LPGAT1: variants seen among roughly 807,000 people sequenced by gnomAD.
The protein encoded by LPGAT1 is acyl-CoA:lysophosphatidylglycerol acyltransferase 1.
In LPGAT1, 11 loss-of-function variants were observed where a neutral mutation model predicts 47.5. The ratio of observed to expected loss-of-function variants is 0.23; its 90% CI spans 0.15 to 0.38. The LOEUF (loss-of-function observed/expected upper bound fraction) is 0.38, where lower values mean the gene tolerates loss of function less well. LPGAT1 is among the 10% of genes least tolerant of loss of function. The probability of loss-of-function intolerance (pLI) is 1.00; values close to 1 mark genes in which losing one functional copy is unlikely to be tolerated. For synonymous variants in LPGAT1, 138 were observed against 144.2 expected (o/e 0.96, Z 0.31); for missense variants, 293 against 439.0 (o/e 0.67, Z 2.97).
intron 2 of LPGAT1, among the ~76,000 whole-genome samples, chr1:211,825,380 G>A (rs1349340707): frequency 6.6e-6 from 1 of 150,896 alleles, no homozygotes; most frequent in Non-Finnish European, 1.5e-5. Flanking sequence ...AATGTGTTTG[G>A]ATGACAATTC....
intron 2 of LPGAT1, among the ~76,000 whole-genome samples, chr1:211,814,274 G>C (rs1307167385): frequency 6.6e-6 from 1 of 152,224 alleles, no homozygotes; most frequent in African/African-American, 2.4e-5. Flanking sequence ...CACAACTACA[G>C]AGTTGATGCC....
At chr1:211,752,604 G>A (rs1657247120) in intron 6 of LPGAT1, among the ~76,000 whole-genome samples, 1 of 152,118 alleles carries the variant, frequency 6.6e-6, no homozygotes, top group African/African-American at 2.4e-5. Context: ...AAGACCCCAC[G>A]ACAGTTACAC....
chr1:211,816,083 T>G (rs1036555322), intron 2 of LPGAT1, among the ~76,000 whole-genome samples: 12 of 152,060 alleles, frequency 7.9e-5, no homozygotes, highest in Non-Finnish European at 1.3e-4. Context: ...GCCTGGCTTT[T>G]CTGCCTTTGT....
At chr1:211,806,161 G>A (rs1474288363) in intron 2 of LPGAT1, among the ~76,000 whole-genome samples, 3 of 151,688 alleles carry the variant, frequency 2.0e-5, no homozygotes, top group African/African-American at 4.9e-5. Context: ...TTGGGAGGCT[G>A]AGACACAAGA....
At chr1:211,801,786 G>A (rs533894386) in intron 2 of LPGAT1, among the ~76,000 whole-genome samples, 2 of 150,510 alleles carry the variant, frequency 1.3e-5, no homozygotes, top group East Asian at 2.0e-4. Context: ...AAGAAGAGAA[G>A]AGAAAAGAAA....
At chr1:211,771,959 C>T (rs892405972) in intron 6 of LPGAT1, among the ~76,000 whole-genome samples, 2 of 152,042 alleles carry the variant, frequency 1.3e-5, no homozygotes, top group African/African-American at 4.8e-5. Context: ...TTTAGAGAAA[C>T]CCTGTTTCAC....
At chr1:211,816,039 C>T (rs1052256435) in intron 2 of LPGAT1, among the ~76,000 whole-genome samples, 4 of 152,066 alleles carry the variant, frequency 2.6e-5, no homozygotes, top group Non-Finnish European at 4.4e-5. Context: ...ACTCGGCCTC[C>T]CAAAGTGCTG....
chr1:211,824,352 TGC>T (rs1660465454), intron 2 of LPGAT1, among the ~76,000 whole-genome samples: 1 of 152,120 alleles, frequency 6.6e-6, no homozygotes, highest in Non-Finnish European at 1.5e-5. Context: ...GCCAAGACTG[TGC>T]CACTGTACTC....
chr1:211,781,001 C>T (rs1658618431), intron 5 of LPGAT1, among the ~76,000 whole-genome samples: 1 of 152,084 alleles, frequency 6.6e-6, no homozygotes, highest in African/African-American at 2.4e-5. Context: ...TCAGACAGAA[C>T]TTAATTTTGG....
At chr1:211,787,954 A>G (rs1355377065) in intron 3 of LPGAT1, among the ~76,000 whole-genome samples, 5 of 152,214 alleles carry the variant, frequency 3.3e-5, no homozygotes, top group Non-Finnish European at 7.3e-5. Flanking sequence ...AGGTACATAT[A>G]TCACTATATA....
intron 4 of LPGAT1, among the ~76,000 whole-genome samples, chr1:211,784,483 CCT>C (rs1436833833): frequency 7.7e-6 from 1 of 129,442 alleles, no homozygotes; most frequent in Non-Finnish European, 1.7e-5. Context: ...AGAGTGAGAC[CCT>C]GTCTCAAAAA....
At chr1:211,823,248 C>G (rs574707629) in intron 2 of LPGAT1, among the ~76,000 whole-genome samples, 12 of 152,294 alleles carry the variant, frequency 7.9e-5, no homozygotes, top group African/African-American at 2.9e-4. Flanking sequence ...AACAGTACCA[C>G]CCTGATAAAA....
intron 6 of LPGAT1, among the ~76,000 whole-genome samples, chr1:211,756,577 AC>A (rs2102493966): frequency 6.6e-6 from 1 of 151,814 alleles, no homozygotes; most frequent in East Asian, 1.9e-4. Context: ...CAAGAGATAC[AC>A]CCTCTTCGGT....
At position 211,745,694 on chromosome 1, in the gene LPGAT1, T is replaced by C. The variant is rs577941491; in HGVS notation, c.*4205A>G. The C allele has an allele frequency of 1.3e-5, 2 of 152,732 alleles. No homozygotes were observed. The highest frequency in any genetic ancestry group is 1.3e-4 in the Admixed American group (2 of 15,294). 9.5% of individuals were successfully genotyped at this position (152,732 alleles called of 1,614,324 possible). A position where few individuals can be genotyped will look rare whatever the true frequency, so the allele number is the denominator to read the frequency against. On this transcript the variant is annotated 3_prime_UTR_variant, in exon 8 of 8. Coordinates refer to ENST00000366997, the MANE Select transcript of LPGAT1 (RefSeq NM_014873.3). ...TTCCCAGGGTCCAGTTCCTAATTGT[T>C]GGGGATTGGCGCAAAATGATTACAA...
intron 2 of LPGAT1, among the ~76,000 whole-genome samples, chr1:211,799,828 A>G (rs963650785): frequency 2.6e-5 from 4 of 152,218 alleles, no homozygotes; most frequent in Non-Finnish European, 4.4e-5. Flanking sequence ...AATATGCTCA[A>G]TACAGAACTG....
At chr1:211,761,458 A>G (rs1256007635) in intron 6 of LPGAT1, among the ~76,000 whole-genome samples, 2 of 152,176 alleles carry the variant, frequency 1.3e-5, no homozygotes, top group South Asian at 2.1e-4. Context: ...AGAAAAAAAA[A>G]TCTATTTTTT....
At chr1:211,755,210 C>A (rs904086631) in intron 6 of LPGAT1, among the ~76,000 whole-genome samples, 3 of 151,634 alleles carry the variant, frequency 2.0e-5, no homozygotes, top group Non-Finnish European at 4.4e-5. Flanking sequence ...TGGCAGCATG[C>A]GCCTGTAGTC....
In LPGAT1 at chr1:211,747,831, G is replaced by T. The variant is rs1657003344; in HGVS notation, c.*2068C>A. 2.0e-5 allele frequency: 3 copies of T among 152,412 alleles called. No homozygotes were observed. The South Asian group carries it at 6.2e-4, about 32-fold the overall frequency. The allele number at this position is 152,412 out of a possible 1,614,324, so 9.4% of individuals were successfully genotyped here. On this transcript the variant is annotated 3_prime_UTR_variant, in exon 8 of 8. Coordinates refer to ENST00000366997, the MANE Select transcript of LPGAT1 (RefSeq NM_014873.3). ...GTTTCATTTATTCACCGACACTGTA[G>T]AACACATAATGAAATGCTTAGATTT...
At position 211,829,641 on chromosome 1, in the gene LPGAT1, T is replaced by TA. The variant is rs553790260; in HGVS notation, c.-27-319dup. 1.3e-4 allele frequency: 138 copies of TA among 1,099,142 alleles called. 1 individual carries two copies. The African/African-American group carries it at 2.1e-3, about 16-fold the overall frequency. The allele number at this position is 1,099,142 out of a possible 1,614,324, so 68.1% of individuals were successfully genotyped here. A position where few individuals can be genotyped will look rare whatever the true frequency, so the allele number is the denominator to read the frequency against. On this transcript the variant is annotated intron_variant, in intron 1 of 7. Transcript: ENST00000366997. ...TCTCACTGCGGTCGTCTATTGGACT[T>TA]AGAAAAATAGATCCACTCGCTTCAG...
Sources: allele counts gnomAD v4.1 joint callset (sites outside exome capture counted in the v4.1 genomes callset), GRCh38; gene constraint gnomAD v4.1.1; transcripts MANE v1.5; gene names NCBI Gene and HGNC (gene_info 2026-07-23, HGNC 2026-07-21).